The following FMO5 variants were observed in gnomAD, a reference collection of about 807,000 sequenced individuals.
FMO5 encodes the protein flavin containing dimethylaniline monoxygenase 5, also known as flavin-containing monooxygenase 5.
Under a neutral mutation model 43.6 loss-of-function variants are expected in FMO5, and 51 were observed. The ratio of observed to expected loss-of-function variants is 1.17; its 90% CI spans 0.93 to 1.48. FMO5 has a LOEUF of 1.48. FMO5 is among the 40% of genes most tolerant of loss of function. The pLI is 0.00. For synonymous variants in FMO5, 187 were observed against 216.5 expected, an observed-to-expected ratio of 0.86 and a Z score of 1.20; for missense variants, 644 against 643.0, an observed-to-expected ratio of 1.00 and a Z score of -0.02.
chr1:147,215,182 AAAATTG>A (rs1661780931), intron 3 of FMO5: 1 of 152,228 alleles, frequency 6.6e-6, no homozygotes, highest in South Asian at 2.1e-4. Context: ...AAAATTTTTA[AAAATTG>A]AAATTGAGGA....
chr1:147,191,161 T>C (rs1160679155), intron 7 of FMO5, among the ~76,000 whole-genome samples: 2 of 152,180 alleles, frequency 1.3e-5, no homozygotes, highest in Non-Finnish European at 2.9e-5. Context: ...CATGTGTCTT[T>C]ATAGCAGCAT....
At chr1:147,185,547 C>T (rs587712403), downstream of FMO5, among the ~76,000 whole-genome samples, 2 of 152,160 alleles carry the variant, frequency 1.3e-5, no homozygotes, top group East Asian at 1.9e-4. Context: ...GTGAAAGGGC[C>T]GGCAATTGTT....
In FMO5 at chr1:147,201,235, G is replaced by A. The variant is rs151065604; in HGVS notation, c.1100C>T (p.Ala367Val). The A allele has an allele frequency of 1.4e-5, 23 of 1,614,046 alleles. No homozygotes were observed. The highest frequency in any genetic ancestry group is 1.6e-4 in the Middle Eastern group (1 of 6,084). ...TAAGGGCTGAATCAAGCCTATGATT[G>A]CAAGAGTTGGCCTTTCCAGGTTAGG... The part of the protein sequence containing the change: ...FPPNLERPTL[A>V]IIGLIQPLGA... The change falls in exon 7 of 9, where the codon GCA becomes GTA. Residue 367 changes from alanine to valine, a missense_variant. Coordinates refer to ENST00000254090, the MANE Select transcript of FMO5 (RefSeq NM_001461.4).
chr1:147,221,148 T>G (rs1216388818), intron 2 of FMO5, among the ~76,000 whole-genome samples: 3 of 151,834 alleles, frequency 2.0e-5, no homozygotes, highest in African/African-American at 7.3e-5. Flanking sequence ...ACAAGGAAAG[T>G]CTAAGAAATT....
chr1:147,199,229 A>G (rs1412894133), intron 7 of FMO5, among the ~76,000 whole-genome samples: 2 of 144,472 alleles, frequency 1.4e-5, no homozygotes, highest in African/African-American at 4.9e-5. Context: ...TTGGGCAGAC[A>G]TGAAAAAAAT....
intron 6 of FMO5, among the ~76,000 whole-genome samples, chr1:147,207,279 A>G (rs1660265510): frequency 6.6e-6 from 1 of 152,182 alleles, no homozygotes; most frequent in Non-Finnish European, 1.5e-5. Flanking sequence ...ATCTACAGAG[A>G]TGGGGAAAGG....
Position 147,213,559 on chromosome 1 carries a change from A to G in FMO5, c.325-89T>C, listed in dbSNP as rs186078071. ...ACAAAGGGCTGATATCACAGACACT[A>G]TCACATAATAGGACCCATGCAGGGA... On this transcript the variant is annotated intron_variant, in intron 3 of 8. Transcript: ENST00000254090. 698 of 1,111,800 alleles carry G rather than the reference A, an allele frequency of 6.3e-4. 1 individual carries two copies. Among genetic ancestry groups the G allele is most frequent in the Non-Finnish European group, 7.4e-4 (589 of 795,436 alleles). The allele number at this position is 1,111,800 out of a possible 1,614,324, so 68.9% of individuals were successfully genotyped here.
At chr1:147,209,100 C>A in intron 5 of FMO5, 49 bp from the exon 6 acceptor site, 2 of 1,509,988 alleles carry the variant, frequency 1.3e-6, no homozygotes, top group South Asian at 1.2e-5. Context: ...ATTCGTAAAC[C>A]TTCAAAAGCA....
chr1:147,185,835 G>A (rs1655571165), downstream of FMO5, among the ~76,000 whole-genome samples: 1 of 152,202 alleles, frequency 6.6e-6, no homozygotes, highest in South Asian at 2.1e-4. Flanking sequence ...AGAATCATCA[G>A]TGGCACTGGG....
intron 2 of FMO5, among the ~76,000 whole-genome samples, chr1:147,216,417 T>C (rs751412440): frequency 1.7e-4 from 26 of 152,116 alleles, no homozygotes; most frequent in Non-Finnish European, 3.7e-4. Flanking sequence ...CACTGAGTAA[T>C]AGTCTTTTAA....
At chr1:147,188,746 T>G (rs1656109511) in intron 8 of FMO5, among the ~76,000 whole-genome samples, 1 of 150,004 alleles carries the variant, frequency 6.7e-6, no homozygotes, top group Admixed American at 6.6e-5. Flanking sequence ...TAAATAAATA[T>G]TTACTATTTC....
upstream of FMO5, chr1:147,225,883 G>GC (rs1372478748): frequency 2.6e-5 from 4 of 152,188 alleles, no homozygotes; most frequent in African/African-American, 9.7e-5. Flanking sequence ...GAAATTTTTG[G>GC]CCTTTTTAAA....
Position 147,196,461 on chromosome 1 carries a change from T to C in FMO5, c.1183+4691A>G, listed in dbSNP as rs112122146. ...TGAAGGAGGAGGTATATTTCTTGAT[T>C]GTGGGAGACACCCAATTCATAAAAG... On this transcript the variant is annotated intron_variant, in intron 7 of 8. Coordinates refer to ENST00000254090, the MANE Select transcript of FMO5 (RefSeq NM_001461.4). Among the ~76,000 whole-genome samples the C allele has an allele frequency of 4.0e-3, 615 of 152,066 alleles. 3 individuals are homozygous for C. Among genetic ancestry groups the C allele is most frequent in the Non-Finnish European group, 5.9e-3 (399 of 67,984 alleles).
downstream of FMO5, among the ~76,000 whole-genome samples, chr1:147,185,094 C>T (rs2101665567): frequency 6.6e-6 from 1 of 152,046 alleles, no homozygotes; most frequent in South Asian, 2.1e-4. Flanking sequence ...GTAACAAGAG[C>T]TTTGTATCTT....
chr1:147,197,105 T>C (rs998621112), intron 7 of FMO5, among the ~76,000 whole-genome samples: 6 of 152,202 alleles, frequency 3.9e-5, no homozygotes, highest in African/African-American at 1.4e-4. Context: ...TGTGAATATT[T>C]CTAGTTTCAT....
At chr1:147,226,014 G>A (rs1663953223), upstream of FMO5, 1 of 152,086 alleles carries the variant, frequency 6.6e-6, no homozygotes, top group Non-Finnish European at 1.5e-5. Flanking sequence ...GATAACACAA[G>A]TAGTTTAGGT....
At position 147,225,084 on chromosome 1, in the gene FMO5, A is replaced by G; in HGVS notation, c.-37-18T>C. The G allele has an allele frequency of 1.2e-6, 2 of 1,611,900 alleles. No homozygotes were observed. Among genetic ancestry groups the G allele is most frequent in the Non-Finnish European group, 1.7e-6 (2 of 1,179,178 alleles). ...CGCCTGTCCTAAAGAAAGGATGACA[A>G]AAGACAAAAAGCACACATCGGTTAA... On this transcript the variant is annotated intron_variant, in intron 1 of 8. Transcript: ENST00000254090.
chr1:147,224,075 C>G (rs1235791075), intron 2 of FMO5: 2 of 368,684 alleles, frequency 5.4e-6, no homozygotes, highest in African/African-American at 4.3e-5. Context: ...TGCCCTGTGT[C>G]CCAAAATGGG....
At chr1:147,210,190 C>T (rs587674182) in intron 5 of FMO5, 13 of 152,266 alleles carry the variant, frequency 8.5e-5, no homozygotes, top group African/African-American at 2.4e-4. Context: ...AATTTCCAAC[C>T]CAGGTCTGAC....
Sources: allele counts gnomAD v4.1 joint callset (sites outside exome capture counted in the v4.1 genomes callset), GRCh38; gene constraint gnomAD v4.1.1; transcripts MANE v1.5; gene names NCBI Gene and HGNC (gene_info 2026-07-23, HGNC 2026-07-21).